SYT14: variants seen among roughly 807,000 people sequenced by gnomAD.
The protein encoded by SYT14 is synaptotagmin 14.
SYT14 carries 32 observed loss-of-function variants against 74.2 expected under a neutral mutation model. The observed-to-expected ratio is 0.43, with a 90% confidence interval of 0.33 to 0.58. The LOEUF is 0.58. Ranked by LOEUF, SYT14 falls within the 20% of genes least tolerant of loss-of-function variation. The pLI, the probability that SYT14 is intolerant of heterozygous loss-of-function variation, is 0.05. For missense variants in SYT14, 791 were observed against 981.8 expected, an observed-to-expected ratio of 0.81 and a Z score of 2.60; for synonymous variants, 298 against 337.7, an observed-to-expected ratio of 0.88 and a Z score of 1.29.
At chr1:210,087,000 CTGTT>C (rs1028802803) in intron 5 of SYT14, among the ~76,000 whole-genome samples, 2 of 152,208 alleles carry the variant, frequency 1.3e-5, no homozygotes, top group African/African-American at 4.8e-5. Context: ...CCCCTTCACT[CTGTT>C]TGAGTTTGGA....
At chr1:210,147,306 G>A (rs925237398) in intron 7 of SYT14, among the ~76,000 whole-genome samples, 1 of 152,076 alleles carries the variant, frequency 6.6e-6, no homozygotes, top group Non-Finnish European at 1.5e-5. Context: ...GAATAAGAAT[G>A]TTAAGCATAT....
At chr1:209,993,855 C>T (rs1172943378) in intron 2 of SYT14, among the ~76,000 whole-genome samples, 2 of 152,100 alleles carry the variant, frequency 1.3e-5, no homozygotes, top group Non-Finnish European at 2.9e-5. Context: ...AGCTACTGGC[C>T]ATTACTCTTA....
intron 7 of SYT14, among the ~76,000 whole-genome samples, chr1:210,141,994 A>G (rs2082924759): frequency 6.6e-6 from 1 of 152,208 alleles, no homozygotes; most frequent in Non-Finnish European, 1.5e-5. Context: ...TTCTTTGGTG[A>G]CTGCCATGTT....
chr1:209,942,366 C>CG lies in SYT14; in HGVS notation c.-534+4089_-534+4090insG, dbSNP rs1272945979. ...CCAGCCTCCATGCAAATTTACCCCC[C>CG]CCCCCCCGCTCTGTTGTGCAGATTT... On this transcript the variant is annotated intron_variant, in intron 1 of 9. Coordinates refer to ENST00000637265, the Ensembl canonical transcript of SYT14. Among the ~76,000 whole-genome samples the CG allele has an allele frequency of 5.1e-4, 63 of 124,328 alleles. 6 individuals carry two copies. The highest frequency in any genetic ancestry group is 2.0e-3 in the African/African-American group (62 of 30,948). 81.6% of individuals were successfully genotyped at this position (124,328 alleles called of 152,430 possible). A position where few individuals can be genotyped will look rare whatever the true frequency, so the allele number is the denominator to read the frequency against.
intron 5 of SYT14, among the ~76,000 whole-genome samples, chr1:210,035,584 T>A (rs1287675268): frequency 6.6e-6 from 1 of 151,946 alleles, no homozygotes; most frequent in Admixed American, 6.6e-5. Flanking sequence ...CTTGAGATAA[T>A]TTTTTTATGT....
chr1:209,968,726 CT>C (rs34548472), intron 2 of SYT14, among the ~76,000 whole-genome samples: 5,482 of 136,972 alleles, frequency 0.04, 607 homozygotes, highest in Admixed American at 0.25. Flanking sequence ...TAGCTCATTT[CT>C]TTTTTTTTTT....
At chr1:210,108,162 G>T (rs1280766845) in intron 7 of SYT14, among the ~76,000 whole-genome samples, 1 of 152,292 alleles carries the variant, frequency 6.6e-6, no homozygotes, top group South Asian at 2.1e-4. Flanking sequence ...TTACACTTCT[G>T]TGTGAACACA....
intron 5 of SYT14, among the ~76,000 whole-genome samples, chr1:210,031,312 A>G (rs1163623580): frequency 6.6e-6 from 1 of 151,984 alleles, no homozygotes; most frequent in Non-Finnish European, 1.5e-5. Context: ...TTTATTCATT[A>G]TTGGACTTGA....
At chr1:209,977,533 C>T (rs1261140027) in intron 2 of SYT14, among the ~76,000 whole-genome samples, 4 of 152,138 alleles carry the variant, frequency 2.6e-5, no homozygotes, top group Non-Finnish European at 4.4e-5. Flanking sequence ...GAATATTGGT[C>T]CCCACTGTCT....
chr1:210,150,442 A>G (rs1403449859), intron 7 of SYT14, among the ~76,000 whole-genome samples: 2 of 152,270 alleles, frequency 1.3e-5, no homozygotes, highest in African/African-American at 4.8e-5. Context: ...ATTTGGAGCA[A>G]TCATGCTCTT....
intron 7 of SYT14, among the ~76,000 whole-genome samples, chr1:210,132,276 C>A (rs185782536): frequency 1.3e-5 from 2 of 152,226 alleles, no homozygotes; most frequent in East Asian, 3.9e-4. Context: ...CACGCCAAGT[C>A]CACCTCTTCA....
chr1:210,104,289 T>A (rs983820586), intron 7 of SYT14, among the ~76,000 whole-genome samples: 1 of 152,246 alleles, frequency 6.6e-6, no homozygotes, highest in Admixed American at 6.5e-5. Context: ...GTATGGTTTG[T>A]AGACTTCATT....
At chr1:210,139,265 C>CTTTTTTTTTT (rs960923188) in intron 7 of SYT14, among the ~76,000 whole-genome samples, 892 of 95,520 alleles carry the variant, frequency 9.3e-3, no homozygotes, top group Non-Finnish European at 0.011. Flanking sequence ...TTTCTTTTTT[C>CTTTTTTTTTT]TTTTTTTTTT....
intron 7 of SYT14, among the ~76,000 whole-genome samples, chr1:210,133,478 G>T (rs1407120558): frequency 6.6e-6 from 1 of 152,178 alleles, no homozygotes; most frequent in African/African-American, 2.4e-5. Context: ...TATTTCATTT[G>T]ATAGCAGAGG....
chr1:210,127,728 A>T (rs543932182), intron 7 of SYT14, among the ~76,000 whole-genome samples: 2 of 152,276 alleles, frequency 1.3e-5, no homozygotes. Context: ...TTTTATTTTT[A>T]AAATTGGATG....
At chr1:210,151,940 A>G (rs913423513) in intron 7 of SYT14, among the ~76,000 whole-genome samples, 3 of 152,170 alleles carry the variant, frequency 2.0e-5, no homozygotes, top group African/African-American at 7.2e-5. Context: ...ATAAACAACT[A>G]TTAGGTTCAC....
chr1:210,087,017 T>G (rs1442649686), intron 5 of SYT14, among the ~76,000 whole-genome samples: 2 of 152,202 alleles, frequency 1.3e-5, no homozygotes, highest in African/African-American at 4.8e-5. Context: ...AGTTTGGATA[T>G]CTCATGCTGC....
At chr1:209,950,132 G>C (rs2078888828) in intron 1 of SYT14, among the ~76,000 whole-genome samples, 1 of 151,992 alleles carries the variant, frequency 6.6e-6, no homozygotes, top group Non-Finnish European at 1.5e-5. Context: ...TTAAATACGG[G>C]GGAGAGTTTA....
chr1:210,170,746 A>C (rs912827986), exon 10 of SYT14: 1 of 152,192 alleles, frequency 6.6e-6, no homozygotes, highest in Non-Finnish European at 1.5e-5. Context: ...ATAAGGAAAT[A>C]TCAAATGGAT....
Sources: allele counts gnomAD v4.1 joint callset (sites outside exome capture counted in the v4.1 genomes callset), GRCh38; gene constraint gnomAD v4.1.1; transcripts MANE v1.5; gene names NCBI Gene and HGNC (gene_info 2026-07-23, HGNC 2026-07-21).